The following GRIN2B variants were observed in gnomAD, a reference collection of about 807,000 sequenced individuals.
GRIN2B encodes the protein glutamate receptor ionotropic, NMDA 2B.
Under a neutral mutation model 114.5 loss-of-function variants are expected in GRIN2B, and 5 were observed. The ratio of observed to expected loss-of-function variants is 0.04; its 90% CI spans 0.02 to 0.09. The LOEUF (loss-of-function observed/expected upper bound fraction) is 0.09, where lower values mean the gene tolerates loss of function less well. Among genes scored for constraint, GRIN2B ranks in the 10% least tolerant of loss-of-function variants. GRIN2B has a pLI of 1.00. For synonymous variants in GRIN2B, 787 were observed against 745.1 expected (o/e 1.06, Z -0.92); for missense variants, 1,108 against 1,943.5 (o/e 0.57, Z 8.08).
intron 2 of GRIN2B, among the ~76,000 whole-genome samples, chr12:13,969,761 TA>T (rs1268422303): frequency 3.3e-5 from 5 of 152,236 alleles, no homozygotes; most frequent in Non-Finnish European, 7.3e-5. Context: ...CTGCAATGGT[TA>T]CTGAAAGATC....
At chr12:13,593,017 C>T (rs1375293578) in intron 10 of GRIN2B, among the ~76,000 whole-genome samples, 1 of 152,180 alleles carries the variant, frequency 6.6e-6, no homozygotes, top group Admixed American at 6.6e-5. Flanking sequence ...GCCTTGGGAA[C>T]TATTTTAAGT....
At chr12:13,796,133 T>A (rs564889549) in intron 3 of GRIN2B, among the ~76,000 whole-genome samples, 27 of 145,224 alleles carry the variant, frequency 1.9e-4, no homozygotes, top group Non-Finnish European at 3.8e-4. Flanking sequence ...GCAATAAGAG[T>A]TCAACACACA....
At chr12:13,882,721 C>G in intron 2 of GRIN2B, among the ~76,000 whole-genome samples, 1 of 152,262 alleles carries the variant, frequency 6.6e-6, no homozygotes, top group East Asian at 1.9e-4. Context: ...ATGTATACAT[C>G]AGTATGTAAA....
rs577892779 is a variant in GRIN2B at position 13,567,637 on chromosome 12, T to A, written c.2360-374A>T. Among the ~76,000 whole-genome samples the A allele has an allele frequency of 1.6e-3, 247 of 152,266 alleles. 1 individual carries two copies. Among genetic ancestry groups the A allele is most frequent in the Admixed American group, 1.6e-3 (24 of 15,298 alleles). Reference sequence around the variant, plus strand: ...GGTGACAGTAATTCTGTGGATGGCATGGCCAGTGGGTTTTCGTGAAGTAAG... The same window carrying A: ...GGTGACAGTAATTCTGTGGATGGCAAGGCCAGTGGGTTTTCGTGAAGTAAG... On this transcript the variant is annotated intron_variant, in intron 12 of 13. Transcript: ENST00000609686.
At chr12:13,719,915 T>C (rs1272246005) in intron 4 of GRIN2B, among the ~76,000 whole-genome samples, 3 of 152,012 alleles carry the variant, frequency 2.0e-5, no homozygotes, top group Non-Finnish European at 4.4e-5. Context: ...CAGTACTGCA[T>C]GATTGTGAAA....
chr12:13,746,280 C>G (rs988171353), intron 4 of GRIN2B, among the ~76,000 whole-genome samples: 2 of 152,276 alleles, frequency 1.3e-5, no homozygotes, highest in East Asian at 1.9e-4. Flanking sequence ...TCATAACTTT[C>G]GCAGCCTGGC....
At chr12:13,857,572 A>C (rs1392603666) in intron 3 of GRIN2B, among the ~76,000 whole-genome samples, 1 of 152,204 alleles carries the variant, frequency 6.6e-6, no homozygotes, top group Non-Finnish European at 1.5e-5. Context: ...GACTAGACTA[A>C]AGACACAAAA....
At position 13,615,401 on chromosome 12, in the gene GRIN2B, G is replaced by T; in HGVS notation, c.1500+92C>A. 1 of 1,436,834 alleles carries T rather than the reference G, an allele frequency of 7.0e-7. No homozygotes were observed. The highest frequency in any genetic ancestry group is 1.7e-5 in the Admixed American group (1 of 59,688). The allele number at this position is 1,436,834 out of a possible 1,614,324, so 89.0% of individuals were successfully genotyped here. On this transcript the variant is annotated intron_variant, in intron 7 of 13. Transcript: ENST00000609686. This position sits in a 1 kb window ranked among gnomAD's most constrained non-coding sequence, Gnocchi z 5.8. ...TCTTATTTGCCATTTTATATTTTCTGAAATGCATAAAGTGAGCACGTTTTA... is the reference window on the plus strand; with the variant it reads ...TCTTATTTGCCATTTTATATTTTCTTAAATGCATAAAGTGAGCACGTTTTA...
In GRIN2B at chr12:13,560,202, T is replaced by C. The variant is rs1350322509; in HGVS notation, c.*2581A>G. On this transcript the variant is annotated 3_prime_UTR_variant, in exon 14 of 14. Coordinates refer to ENST00000609686, the MANE Select transcript of GRIN2B (RefSeq NM_000834.5). ...TTACTTTCCCCTGGCTTTTTCACCA[T>C]AGTGGCCTCCATGAGCATTCGCTTT... 2 of 152,158 alleles carry C rather than the reference T, an allele frequency of 1.3e-5. No individual in the cohort carries two copies. Among genetic ancestry groups the C allele is most frequent in the Non-Finnish European group, 2.9e-5 (2 of 68,030 alleles). 9.4% of individuals were successfully genotyped at this position (152,158 alleles called of 1,614,324 possible).
chr12:13,613,641 C>T lies in GRIN2B; in HGVS notation c.1654+1473G>A, dbSNP rs527792150. The stretch of plus-strand genomic sequence containing the variant: ...AGGCTACCATAGCTGGATTTTAATC[C>T]TAGAGCTGCCAGTTATCAGCTAAGA... On this transcript the variant is annotated intron_variant, in intron 8 of 13. Coordinates refer to ENST00000609686, the MANE Select transcript of GRIN2B (RefSeq NM_000834.5). Among the ~76,000 whole-genome samples, 5 of 152,172 alleles carry T rather than the reference C, an allele frequency of 3.3e-5. No individual in the cohort carries two copies. In the East Asian group the frequency reaches 9.7e-4, roughly 30 times the overall value.
chr12:13,602,293 C>T (rs923896976), intron 10 of GRIN2B, among the ~76,000 whole-genome samples: 7 of 152,188 alleles, frequency 4.6e-5, no homozygotes, highest in Non-Finnish European at 8.8e-5. Context: ...TTACATTTTG[C>T]TCAGCTACCT....
chr12:13,864,982 C>G (rs907775269), intron 3 of GRIN2B, among the ~76,000 whole-genome samples: 8 of 152,196 alleles, frequency 5.3e-5, no homozygotes, highest in Non-Finnish European at 1.0e-4. Flanking sequence ...TGTGTTGCTA[C>G]AGGTTCCACG....
At chr12:13,924,070 T>C (rs1866872916) in intron 2 of GRIN2B, among the ~76,000 whole-genome samples, 1 of 152,214 alleles carries the variant, frequency 6.6e-6, no homozygotes, top group Non-Finnish European at 1.5e-5. Context: ...ACTCTTATTG[T>C]TCTTTCTTCC....
At chr12:13,631,754 G>A (rs969058659) in intron 5 of GRIN2B, among the ~76,000 whole-genome samples, 23 of 152,202 alleles carry the variant, frequency 1.5e-4, no homozygotes, top group African/African-American at 4.8e-4. Context: ...CCTCCTAAAG[G>A]AACCTCCACA....
intron 5 of GRIN2B, among the ~76,000 whole-genome samples, chr12:13,651,980 G>A (rs1949818079): frequency 6.6e-6 from 1 of 152,070 alleles, no homozygotes; most frequent in Non-Finnish European, 1.5e-5. Flanking sequence ...AGCATTTACT[G>A]TGTTCTAGGC....
In GRIN2B at chr12:13,562,927, G is replaced by A. The variant is rs112265127; in HGVS notation, c.4311C>T (p.Ala1437=). 79 of 1,614,222 alleles carry A rather than the reference G, an allele frequency of 4.9e-5. 1 individual carries two copies. In the African/African-American group the frequency reaches 6.7e-4, roughly 14 times the overall value. Residue 1437 remains alanine, a synonymous_variant, in exon 14 of 14, where the codon GCC becomes GCT. Coordinates refer to ENST00000609686, the MANE Select transcript of GRIN2B (RefSeq NM_000834.5). ...TGTCCTTCTGGAAACGGGCTGGCAC[G>A]GCCCCATGAAGGGCCGAGACCACCG... ...NKPVVSALHG[A]VPARFQKDIC...
At chr12:13,601,114 C>T (rs1949152049) in intron 10 of GRIN2B, among the ~76,000 whole-genome samples, 1 of 152,172 alleles carries the variant, frequency 6.6e-6, no homozygotes, top group African/African-American at 2.4e-5. Context: ...ATGCAATGAG[C>T]TCAAAGTGCA....
At chr12:13,914,141 A>G (rs1377652896) in intron 2 of GRIN2B, among the ~76,000 whole-genome samples, 1 of 152,196 alleles carries the variant, frequency 6.6e-6, no homozygotes. Flanking sequence ...TATGGGATGA[A>G]TGAATGAACT....
At chr12:13,809,360 T>C (rs898448346) in intron 3 of GRIN2B, among the ~76,000 whole-genome samples, 1 of 152,210 alleles carries the variant, frequency 6.6e-6, no homozygotes, top group South Asian at 2.1e-4. Flanking sequence ...GTACTAAGCA[T>C]GTGGACATAA....
Sources: gnomAD v4.1 joint callset for allele counts (sites outside exome capture counted in the v4.1 genomes callset) on GRCh38, gnomAD v4.1.1 for gene constraint, Gnocchi (gnomAD v3.1) non-coding constraint, MANE v1.5 for transcripts, NCBI Gene and HGNC (gene_info 2026-07-23, HGNC 2026-07-21) for gene names.